ARHGAP35: variants seen among roughly 807,000 people sequenced by gnomAD.
ARHGAP35 encodes rho GTPase-activating protein 35.
ARHGAP35 carries 15 observed loss-of-function variants against 111.1 expected under a neutral mutation model. The observed-to-expected ratio is 0.13, with a 90% confidence interval of 0.09 to 0.21. ARHGAP35 has a LOEUF of 0.21. Among genes scored for constraint, ARHGAP35 ranks in the 10% least tolerant of loss-of-function variants. The pLI, the probability that ARHGAP35 is intolerant of heterozygous loss-of-function variation, is 1.00. For synonymous variants in ARHGAP35, 643 were observed against 710.3 expected (o/e 0.91, Z 1.51); for missense variants, 1,262 against 1,873.0 (o/e 0.67, Z 6.02).
At position 46,890,233 on chromosome 19, in the gene ARHGAP35, G is replaced by T. The variant is rs1057139817; in HGVS notation, c.-188-28255G>T. ...GGTCCTTGATGCAAAGAACTCTATT[G>T]TTGAACATCTAAGGAGGAGTATGTA... On this transcript the variant is annotated intron_variant, in intron 1 of 6. Transcript: ENST00000672722. 2.6e-5 allele frequency among the ~76,000 whole-genome samples: 4 copies of T among 152,156 alleles called. No homozygotes were observed. In the East Asian group the frequency reaches 7.7e-4, roughly 29 times the overall value.
At chr19:46,935,785 A>G (rs1185809369) in intron 2 of ARHGAP35, among the ~76,000 whole-genome samples, 4 of 152,222 alleles carry the variant, frequency 2.6e-5, no homozygotes, top group Admixed American at 2.6e-4. Context: ...CAAAAGGCCA[A>G]AATTTCAAGT....
intron 1 of ARHGAP35, among the ~76,000 whole-genome samples, chr19:46,863,686 T>C (rs1268745196): frequency 6.6e-6 from 1 of 151,596 alleles, no homozygotes; most frequent in African/African-American, 2.4e-5. Context: ...GCTAACAAGT[T>C]ATTTCAATAT....
chr19:46,936,055 G>A (rs2056305521), intron 2 of ARHGAP35, among the ~76,000 whole-genome samples: 1 of 152,086 alleles, frequency 6.6e-6, no homozygotes, highest in African/African-American at 2.4e-5. Flanking sequence ...ATATTTGGCA[G>A]GCTGGGCAAC....
chr19:46,991,557 T>A (rs1188703323), intron 5 of ARHGAP35, among the ~76,000 whole-genome samples: 1 of 151,824 alleles, frequency 6.6e-6, no homozygotes, highest in Non-Finnish European at 1.5e-5. Context: ...AGGGTGGAGG[T>A]TTCCCACTTC....
intron 3 of ARHGAP35, among the ~76,000 whole-genome samples, chr19:46,938,425 C>T (rs1466701332): frequency 1.3e-5 from 2 of 152,154 alleles, no homozygotes; most frequent in African/African-American, 2.4e-5. Context: ...ACGATCTCAA[C>T]TCACTGCAAC....
chr19:47,001,444 CAA>C lies in ARHGAP35; in HGVS notation c.*757_*758del. 1 of 1,243,148 alleles carries C rather than the reference CAA, an allele frequency of 8.0e-7. No individual in the cohort carries two copies. Among genetic ancestry groups the C allele is most frequent in the Non-Finnish European group, 1.1e-6 (1 of 947,348 alleles). The allele number at this position is 1,243,148 out of a possible 1,614,324, so 77.0% of individuals were successfully genotyped here. ...ACCACAGAAAGAAAACTACAGACCTCAAGATTCCACTCTGTGCCCGCCTCTGC... is the reference window on the plus strand; with the variant it reads ...ACCACAGAAAGAAAACTACAGACCTCGATTCCACTCTGTGCCCGCCTCTGC... On this transcript the variant is annotated 3_prime_UTR_variant, in exon 7 of 7. Transcript: ENST00000672722. This position sits in a 1 kb window ranked among gnomAD's most constrained non-coding sequence, Gnocchi z 5.4.
At chr19:46,903,371 T>C (rs2056091005) in intron 1 of ARHGAP35, among the ~76,000 whole-genome samples, 2 of 152,116 alleles carry the variant, frequency 1.3e-5, no homozygotes, top group Non-Finnish European at 2.9e-5. Context: ...TTTAAGACGA[T>C]TCAAAAGAAA....
chr19:46,872,650 G>T (rs1413149224), intron 1 of ARHGAP35, among the ~76,000 whole-genome samples: 25 of 152,092 alleles, frequency 1.6e-4, no homozygotes, highest in Admixed American at 1.6e-3. Flanking sequence ...GGAGGCCGAG[G>T]CGGGCGGATC....
intron 1 of ARHGAP35, among the ~76,000 whole-genome samples, chr19:46,892,815 A>G (rs1394656740): frequency 2.0e-5 from 3 of 152,042 alleles, no homozygotes; most frequent in African/African-American, 7.3e-5. Context: ...TGTACCTTGC[A>G]ATCAGGCCGG....
At position 46,999,432 on chromosome 19, in the gene ARHGAP35, T is replaced by C. The variant is rs1249956443; in HGVS notation, c.4142+23T>C. On this transcript the variant is annotated intron_variant, in intron 6 of 6. Coordinates refer to ENST00000672722, the MANE Select transcript of ARHGAP35 (RefSeq NM_004491.5). The surrounding 1 kb of genome is among the most constrained non-coding windows in gnomAD (Gnocchi z 5.4). ...CAAGTAAGTCGCAGGGCCTTCTGGTTGGTTTTTCCTCCTGAAAATTGACAG... is the reference window on the plus strand; with the variant it reads ...CAAGTAAGTCGCAGGGCCTTCTGGTCGGTTTTTCCTCCTGAAAATTGACAG... The C allele has an allele frequency of 6.7e-7, 1 of 1,487,028 alleles. No homozygotes were observed. Among genetic ancestry groups the C allele is most frequent in the African/African-American group, 1.4e-5 (1 of 71,792 alleles). 92.1% of individuals were successfully genotyped at this position (1,487,028 alleles called of 1,614,324 possible).
At position 46,913,969 on chromosome 19, in the gene ARHGAP35, A is replaced by G. The variant is rs189329092; in HGVS notation, c.-188-4519A>G. Reference sequence around the variant, plus strand: ...TCTCTTTCTTTGTGGCCTTCAGATCATTAAATTTAGTGACTCAGCTAATTT... The same window carrying G: ...TCTCTTTCTTTGTGGCCTTCAGATCGTTAAATTTAGTGACTCAGCTAATTT... On this transcript the variant is annotated intron_variant, in intron 1 of 6. Coordinates refer to ENST00000672722, the MANE Select transcript of ARHGAP35 (RefSeq NM_004491.5). Among the ~76,000 whole-genome samples, 8 of 152,332 alleles carry G rather than the reference A, an allele frequency of 5.3e-5. No homozygotes were observed. In the East Asian group the frequency reaches 1.2e-3, roughly 22 times the overall value.
chr19:46,993,790 C>G lies in ARHGAP35; in HGVS notation c.4036+4115C>G, dbSNP rs917067973. On this transcript the variant is annotated intron_variant, in intron 5 of 6. Coordinates refer to ENST00000672722, the MANE Select transcript of ARHGAP35 (RefSeq NM_004491.5). The surrounding 1 kb of genome is among the most constrained non-coding windows in gnomAD (Gnocchi z 4.6). ...CACGCCCCCTGAGCAAGAGCAGAGC[C>G]ACCTGGAGCCAAGCCAAGCAAAGGG... 1.3e-5 allele frequency among the ~76,000 whole-genome samples: 2 copies of G among 152,174 alleles called. No homozygotes were observed. Among genetic ancestry groups the G allele is most frequent in the Admixed American group, 6.5e-5 (1 of 15,286 alleles).
intron 3 of ARHGAP35, among the ~76,000 whole-genome samples, chr19:46,954,777 C>A (rs955853646): frequency 1.3e-5 from 2 of 152,214 alleles, no homozygotes; most frequent in East Asian, 1.9e-4. Context: ...GAAACAAGAC[C>A]TTTCTAGTAC....
chr19:46,939,421 AT>A (rs1231224856), intron 3 of ARHGAP35, among the ~76,000 whole-genome samples: 1 of 143,790 alleles, frequency 7.0e-6, no homozygotes, highest in African/African-American at 2.5e-5. Context: ...TTATTATTTA[AT>A]TTTTTTAGAT....
Position 47,001,441 on chromosome 19 carries a change from C to T in ARHGAP35, c.*753C>T, listed in dbSNP as rs1435929806. 1 of 1,247,250 alleles carries T rather than the reference C, an allele frequency of 8.0e-7. No individual in the cohort carries two copies. Among genetic ancestry groups the T allele is most frequent in the South Asian group, 1.2e-5 (1 of 80,114 alleles). The allele number at this position is 1,247,250 out of a possible 1,614,324, so 77.3% of individuals were successfully genotyped here. A position where few individuals can be genotyped will look rare whatever the true frequency, so the allele number is the denominator to read the frequency against. ...GAAACCACAGAAAGAAAACTACAGACCTCAAGATTCCACTCTGTGCCCGCC... is the reference window on the plus strand; with the variant it reads ...GAAACCACAGAAAGAAAACTACAGATCTCAAGATTCCACTCTGTGCCCGCC... On this transcript the variant is annotated 3_prime_UTR_variant, in exon 7 of 7. Coordinates refer to ENST00000672722, the MANE Select transcript of ARHGAP35 (RefSeq NM_004491.5). The surrounding 1 kb of genome is among the most constrained non-coding windows in gnomAD (Gnocchi z 5.4).
At chr19:46,944,213 C>G (rs1223592773) in intron 3 of ARHGAP35, among the ~76,000 whole-genome samples, 3 of 151,094 alleles carry the variant, frequency 2.0e-5, no homozygotes. Flanking sequence ...GTAGGAGGAT[C>G]GCTTGAGCCC....
At chr19:46,877,248 CAA>C (rs35968599) in intron 1 of ARHGAP35, among the ~76,000 whole-genome samples, 26,026 of 89,722 alleles carry the variant, frequency 0.29, 3,157 homozygotes, top group Middle Eastern at 0.38. Flanking sequence ...AAAACTGTCT[CAA>C]AAAAAAAAAA....
At chr19:46,892,134 A>G (rs1372665462) in intron 1 of ARHGAP35, among the ~76,000 whole-genome samples, 9 of 149,728 alleles carry the variant, frequency 6.0e-5, no homozygotes, top group Admixed American at 6.0e-4. Context: ...AAAAAAAAAA[A>G]AAAAAAAAAA....
chr19:46,983,054 CAAAAAAAAAAAAA>C (rs71179281), intron 3 of ARHGAP35, among the ~76,000 whole-genome samples: 92 of 47,664 alleles, frequency 1.9e-3, no homozygotes, highest in Middle Eastern at 0.023. Flanking sequence ...ACCTTGTGTA[CAAAAAAAAAAAAA>C]AAAAAAAAAA....
Sources: allele counts gnomAD v4.1 joint callset (sites outside exome capture counted in the v4.1 genomes callset), GRCh38; gene constraint gnomAD v4.1.1; non-coding constraint Gnocchi (gnomAD v3.1); transcripts MANE v1.5; gene names NCBI Gene and HGNC (gene_info 2026-07-23, HGNC 2026-07-21).